RBFOX1: variants seen among roughly 807,000 people sequenced by gnomAD.
The protein encoded by RBFOX1 is RNA binding protein fox-1 homolog 1.
Under a neutral mutation model 57.7 loss-of-function variants are expected in RBFOX1, and 8 were observed. The ratio of observed to expected loss-of-function variants is 0.14; its 90% CI spans 0.08 to 0.25. RBFOX1 has a LOEUF of 0.25. Among genes scored for constraint, RBFOX1 ranks in the 10% least tolerant of loss-of-function variants. The pLI is 1.00. For missense variants in RBFOX1, 611 were observed against 548.5 expected, an observed-to-expected ratio of 1.11 and a Z score of -1.14; for synonymous variants, 326 against 222.4, an observed-to-expected ratio of 1.47 and a Z score of -4.15.
intron 5 of RBFOX1, among the ~76,000 whole-genome samples, chr16:7,564,165 A>G (rs929683105): frequency 3.9e-5 from 6 of 152,194 alleles, no homozygotes; most frequent in Non-Finnish European, 8.8e-5. Flanking sequence ...AGGCCACGAG[A>G]GTAGAGCCCG....
At chr16:6,250,661 C>T (rs2152944470) in intron 1 of RBFOX1, among the ~76,000 whole-genome samples, 1 of 152,236 alleles carries the variant, frequency 6.6e-6, no homozygotes, top group South Asian at 2.1e-4. Flanking sequence ...TGGTTCTCTG[C>T]ACCAGTCGGG....
intron 1 of RBFOX1, among the ~76,000 whole-genome samples, chr16:5,265,736 AG>A (rs1237944216): frequency 1.3e-5 from 2 of 152,180 alleles, no homozygotes; most frequent in Non-Finnish European, 2.9e-5. Context: ...CCTGACTATC[AG>A]AGGCTGAATT....
chr16:6,709,592 GCATTTA>G (rs1383082843), intron 3 of RBFOX1, among the ~76,000 whole-genome samples: 18 of 152,158 alleles, frequency 1.2e-4, no homozygotes, highest in African/African-American at 2.7e-4. Context: ...GTAAGATTGT[GCATTTA>G]CATGAATCTC....
rs116140473 is a variant in RBFOX1, at chr16:7,600,099, T to C, written c.622+2668T>C. ...TGCAACCTCGTGTTCCTGCCAGATT[T>C]TGGCATGCACATCCCATGTCCCATT... On this transcript the variant is annotated intron_variant, in intron 9 of 15. Coordinates refer to ENST00000550418, the MANE Select transcript of RBFOX1 (RefSeq NM_018723.4). Among the ~76,000 whole-genome samples, 478 of 152,250 alleles carry C rather than the reference T, an allele frequency of 3.1e-3. 5 individuals are homozygous for C. The highest frequency in any genetic ancestry group is 0.011 in the African/African-American group (446 of 41,552).
chr16:6,590,514 G>C (rs1048221214), intron 2 of RBFOX1, among the ~76,000 whole-genome samples: 2 of 152,060 alleles, frequency 1.3e-5, no homozygotes, highest in East Asian at 1.9e-4. Context: ...TATAGCTTTC[G>C]GGAGTAAATT....
rs149738717 is a variant in RBFOX1, at chr16:7,509,945, A to G, written c.28-8202A>G. Among the ~76,000 whole-genome samples the G allele has an allele frequency of 2.0e-3, 294 of 148,380 alleles. 1 individual carries two copies. Among genetic ancestry groups the G allele is most frequent in the Non-Finnish European group, 3.4e-3 (230 of 67,478 alleles). ...CATTTCTAATGTTTTTTAAACAGCT[A>G]TTAATGTGGTCGAGCAGTGGGTTTT... On this transcript the variant is annotated intron_variant, in intron 4 of 15. Coordinates refer to ENST00000550418, the MANE Select transcript of RBFOX1 (RefSeq NM_018723.4).
intron 4 of RBFOX1, among the ~76,000 whole-genome samples, chr16:7,316,351 T>C (rs1436832209): frequency 6.6e-6 from 1 of 152,238 alleles, no homozygotes; most frequent in Non-Finnish European, 1.5e-5. Context: ...TAACATTGCA[T>C]GATCTGTTTA....
intron 2 of RBFOX1, among the ~76,000 whole-genome samples, chr16:6,503,409 G>C (rs778677994): frequency 6.6e-6 from 1 of 152,070 alleles, no homozygotes; most frequent in Non-Finnish European, 1.5e-5. Flanking sequence ...CCAATATTTC[G>C]TGGCTTAAAA....
intron 3 of RBFOX1, among the ~76,000 whole-genome samples, chr16:5,671,032 C>T (rs1439939633): frequency 3.3e-5 from 5 of 152,232 alleles, no homozygotes; most frequent in Non-Finnish European, 7.3e-5. Context: ...AGCCATCCAG[C>T]AGAGTAAATG....
At chr16:7,346,729 G>T (rs566336747) in intron 4 of RBFOX1, among the ~76,000 whole-genome samples, 1 of 152,094 alleles carries the variant, frequency 6.6e-6, no homozygotes, top group Admixed American at 6.5e-5. Context: ...AATAACTGTT[G>T]GGCTTCCTGT....
chr16:6,649,454 T>C (rs2098558596), intron 2 of RBFOX1, among the ~76,000 whole-genome samples: 1 of 152,218 alleles, frequency 6.6e-6, no homozygotes, highest in African/African-American at 2.4e-5. Flanking sequence ...GAGATTTTAA[T>C]GCACCCATCA....
chr16:7,513,924 A>G (rs564334665), intron 4 of RBFOX1, among the ~76,000 whole-genome samples: 4 of 152,292 alleles, frequency 2.6e-5, no homozygotes, highest in African/African-American at 9.6e-5. Context: ...ACCATTTTCA[A>G]TATTGCCAGT....
intron 1 of RBFOX1, among the ~76,000 whole-genome samples, chr16:6,225,245 T>G (rs375452825): frequency 7.4e-6 from 1 of 135,608 alleles, no homozygotes; most frequent in Non-Finnish European, 1.6e-5. Context: ...TATATATATA[T>G]AAAATAGTGC....
intron 4 of RBFOX1, among the ~76,000 whole-genome samples, chr16:7,464,075 C>T (rs2060050306): frequency 6.6e-6 from 1 of 152,178 alleles, no homozygotes. Flanking sequence ...TTCCTTGTAT[C>T]TATGCCATCT....
At chr16:5,564,224 G>A (rs2045984726) in intron 2 of RBFOX1, among the ~76,000 whole-genome samples, 1 of 151,802 alleles carries the variant, frequency 6.6e-6, no homozygotes, top group African/African-American at 2.4e-5. Context: ...CACTGTGTTG[G>A]CCAGGCTGGT....
chr16:7,055,922 T>A (rs1227202217), intron 4 of RBFOX1, among the ~76,000 whole-genome samples: 4 of 152,184 alleles, frequency 2.6e-5, no homozygotes, highest in African/African-American at 9.7e-5. Flanking sequence ...TGAATTCTGG[T>A]TTGTGGAATT....
intron 2 of RBFOX1, among the ~76,000 whole-genome samples, chr16:5,537,156 TCTTA>T (rs1345975981): frequency 6.6e-6 from 1 of 152,198 alleles, no homozygotes; most frequent in African/African-American, 2.4e-5. Flanking sequence ...TTTTCTATAA[TCTTA>T]CTTCCTTCTG....
In RBFOX1 at chr16:6,897,364, T is replaced by C. The variant is rs542976840; in HGVS notation, c.-15-154693T>C. On this transcript the variant is annotated intron_variant, in intron 3 of 15. Coordinates refer to ENST00000550418, the MANE Select transcript of RBFOX1 (RefSeq NM_018723.4). ...GTTGCAGTGAGCCGAGGTCGTGCCA[T>C]TGCACTCCAGCCGGGGTGACAGAGC... Among the ~76,000 whole-genome samples, 4 of 152,120 alleles carry C rather than the reference T, an allele frequency of 2.6e-5. No individual in the cohort carries two copies. The East Asian group carries it at 7.8e-4, about 30-fold the overall frequency.
At chr16:6,105,014 A>G (rs1567465930) in intron 1 of RBFOX1, among the ~76,000 whole-genome samples, 1 of 152,170 alleles carries the variant, frequency 6.6e-6, no homozygotes, top group Non-Finnish European at 1.5e-5. Flanking sequence ...AAGAATGGCT[A>G]ATTTGTTGCT....
Sources: gnomAD v4.1 joint callset for allele counts (sites outside exome capture counted in the v4.1 genomes callset) on GRCh38, gnomAD v4.1.1 for gene constraint, MANE v1.5 for transcripts, NCBI Gene and HGNC (gene_info 2026-07-23, HGNC 2026-07-21) for gene names.